KLF9: variants seen among roughly 807,000 people sequenced by gnomAD.
The protein encoded by KLF9 is KLF transcription factor 9, also known as Krueppel-like factor 9.
In KLF9, 2 loss-of-function variants were observed where a neutral mutation model predicts 17.3. The observed-to-expected ratio is 0.12, with a 90% CI of 0.05 to 0.36. The LOEUF (loss-of-function observed/expected upper bound fraction) is 0.36. KLF9 is among the 10% of genes least tolerant of loss of function. The pLI is 1.00. For synonymous variants in KLF9, 138 were observed against 139.2 expected (o/e 0.99, Z 0.06); for missense variants, 226 against 333.2 (o/e 0.68, Z 2.51).
At chr9:70,411,116 T>C (rs1269885053) in intron 1 of KLF9, among the ~76,000 whole-genome samples, 1 of 152,224 alleles carries the variant, frequency 6.6e-6, no homozygotes, top group Non-Finnish European at 1.5e-5. Context: ...CAGCCATTTC[T>C]ATAAATGCCT....
At chr9:70,388,068 T>C (rs1286292843) in intron 1 of KLF9, 63 bp from the exon 2 acceptor site, 5 of 1,303,018 alleles carry the variant, frequency 3.8e-6, no homozygotes, top group Non-Finnish European at 5.4e-6. Flanking sequence ...CGAAGGGCGG[T>C]CATGGTCAAT....
At chr9:70,403,068 T>C (rs2037234244) in intron 1 of KLF9, among the ~76,000 whole-genome samples, 1 of 152,076 alleles carries the variant, frequency 6.6e-6, no homozygotes, top group Non-Finnish European at 1.5e-5. Flanking sequence ...CAGAATGGCT[T>C]AAACCAGGGA....
chr9:70,390,801 G>A (rs959709662), intron 1 of KLF9, among the ~76,000 whole-genome samples: 2 of 152,012 alleles, frequency 1.3e-5, no homozygotes, highest in African/African-American at 4.8e-5. Flanking sequence ...AGTTATGGGG[G>A]AAATGTTTTT....
chr9:70,389,103 T>C (rs1401991847), intron 1 of KLF9, among the ~76,000 whole-genome samples: 1 of 151,500 alleles, frequency 6.6e-6, no homozygotes. Flanking sequence ...ATCATGCCAC[T>C]GCACTCTAGC....
chr9:70,408,733 A>G (rs2037274343), intron 1 of KLF9, among the ~76,000 whole-genome samples: 1 of 152,094 alleles, frequency 6.6e-6, no homozygotes, highest in South Asian at 2.1e-4. Context: ...AGCTCAGGGC[A>G]ACCTCATGCC....
rs936303749 is a variant in KLF9, at chr9:70,387,110, G to C, written c.*666C>G. The C allele has an allele frequency of 5.9e-5, 9 of 152,874 alleles. No homozygotes were observed. Among genetic ancestry groups the C allele is most frequent in the Admixed American group, 5.2e-4 (8 of 15,322 alleles). 9.5% of individuals were successfully genotyped at this position (152,874 alleles called of 1,614,324 possible). ...GACTCTGCTTACCCATTGACTATAAGTAACTGTTTTTTGTTTTCAAGTCTT... is the reference window on the plus strand; with the variant it reads ...GACTCTGCTTACCCATTGACTATAACTAACTGTTTTTTGTTTTCAAGTCTT... On this transcript the variant is annotated 3_prime_UTR_variant, in exon 2 of 2. Coordinates refer to ENST00000377126, the MANE Select transcript of KLF9 (RefSeq NM_001206.4).
chr9:70,402,019 AT>A (rs1465396282), intron 1 of KLF9, among the ~76,000 whole-genome samples: 9 of 152,028 alleles, frequency 5.9e-5, no homozygotes, highest in African/African-American at 1.9e-4. Flanking sequence ...CTCAAAAAAA[AT>A]AAATAAATAA....
intron 1 of KLF9, among the ~76,000 whole-genome samples, chr9:70,412,607 G>T (rs2037331068): frequency 6.6e-6 from 1 of 152,170 alleles, no homozygotes; most frequent in African/African-American, 2.4e-5. Context: ...ACCACTCCCC[G>T]CGAAGCCACG....
At chr9:70,389,177 G>A (rs1587738000) in intron 1 of KLF9, among the ~76,000 whole-genome samples, 1 of 151,842 alleles carries the variant, frequency 6.6e-6, no homozygotes, top group African/African-American at 2.4e-5. Flanking sequence ...TGTTCCTTCT[G>A]CCACATCATA....
intron 1 of KLF9, among the ~76,000 whole-genome samples, chr9:70,409,048 A>ACATATATGTG (rs2037280203): frequency 7.8e-6 from 1 of 127,516 alleles, no homozygotes; most frequent in African/African-American, 2.8e-5. Context: ...GTATATATAT[A>ACATATATGTG]TACATATATG....
chr9:70,406,517 A>G (rs189546670), intron 1 of KLF9, among the ~76,000 whole-genome samples: 5 of 152,354 alleles, frequency 3.3e-5, no homozygotes, highest in Non-Finnish European at 7.3e-5. Context: ...AACTGCTGCC[A>G]CCAAGTGCTC....
intron 1 of KLF9, among the ~76,000 whole-genome samples, chr9:70,408,606 C>T (rs2118925971): frequency 6.6e-6 from 1 of 152,200 alleles, no homozygotes; most frequent in South Asian, 2.1e-4. Context: ...CCCTAAGGCC[C>T]CACCTCCCAG....
chr9:70,408,388 T>C (rs766000151), intron 1 of KLF9, among the ~76,000 whole-genome samples: 12 of 152,080 alleles, frequency 7.9e-5, no homozygotes, highest in Non-Finnish European at 5.9e-5. Context: ...ATGAAGCAAG[T>C]TGGGTTATGA....
At chr9:70,389,448 T>C (rs62570355) in intron 1 of KLF9, among the ~76,000 whole-genome samples, 3,250 of 152,282 alleles carry the variant, frequency 0.021, 47 homozygotes, top group Non-Finnish European at 0.036. Flanking sequence ...AGTAATGAAC[T>C]GGCCCTGTCT....
chr9:70,390,974 G>A (rs911266126), intron 1 of KLF9, among the ~76,000 whole-genome samples: 1 of 152,120 alleles, frequency 6.6e-6, no homozygotes, highest in African/African-American at 2.4e-5. Context: ...AACAATGAAA[G>A]GAAGAGCTCA....
Position 70,413,688 on chromosome 9 carries a change from T to G in KLF9, c.-325A>C, listed in dbSNP as rs1274811145. The stretch of plus-strand genomic sequence containing the variant: ...GCCGGCCCCTCTGAGCCGGCTCCCT[T>G]GGAAAGATGCCACACGTGGCGGTCG... On this transcript the variant is annotated 5_prime_UTR_variant, in exon 1 of 2. Transcript: ENST00000377126. This position sits in a 1 kb window ranked among gnomAD's most constrained non-coding sequence, Gnocchi z 5.6. 1.3e-5 allele frequency: 2 copies of G among 155,390 alleles called. No homozygotes were observed. Among genetic ancestry groups the G allele is most frequent in the Non-Finnish European group, 2.9e-5 (2 of 70,006 alleles). The allele number at this position is 155,390 out of a possible 1,614,324, so 9.6% of individuals were successfully genotyped here.
chr9:70,391,392 G>A (rs150721569), intron 1 of KLF9, among the ~76,000 whole-genome samples: 1 of 152,244 alleles, frequency 6.6e-6, no homozygotes, highest in East Asian at 1.9e-4. Flanking sequence ...ACTGCCCCTT[G>A]GAGCTGTCAT....
At chr9:70,409,074 A>G (rs11142408) in intron 1 of KLF9, among the ~76,000 whole-genome samples, 1,050 of 74,330 alleles carry the variant, frequency 0.014, 73 homozygotes, top group Non-Finnish European at 0.025. Flanking sequence ...ATATATGTGT[A>G]TATATATACA....
chr9:70,392,375 C>T (rs2037158058), intron 1 of KLF9, among the ~76,000 whole-genome samples: 3 of 152,144 alleles, frequency 2.0e-5, no homozygotes, highest in Non-Finnish European at 4.4e-5. Flanking sequence ...TCAATTTCAA[C>T]ATTATAAATT....
Sources: allele counts gnomAD v4.1 joint callset (sites outside exome capture counted in the v4.1 genomes callset), GRCh38; gene constraint gnomAD v4.1.1; non-coding constraint Gnocchi (gnomAD v3.1); transcripts MANE v1.5; gene names NCBI Gene and HGNC (gene_info 2026-07-23, HGNC 2026-07-21).